The following VAV1 variants were observed in gnomAD, a reference collection of about 807,000 sequenced individuals.
VAV1 encodes proto-oncogene vav.
In VAV1, 33 loss-of-function variants were observed where a neutral mutation model predicts 128.1. The observed-to-expected ratio is 0.26, with a 90% CI of 0.20 to 0.34. The LOEUF (loss-of-function observed/expected upper bound fraction) is 0.34, where lower values mean the gene tolerates loss of function less well. VAV1 is among the 10% of genes least tolerant of loss of function. The pLI is 1.00. For synonymous variants in VAV1, 394 were observed against 409.8 expected, an observed-to-expected ratio of 0.96 and a Z score of 0.47; for missense variants, 715 against 1,093.7, an observed-to-expected ratio of 0.65 and a Z score of 4.88.
Position 6,805,354 on chromosome 19 carries a change from G to A in VAV1, c.205-15348G>A, listed in dbSNP as rs146676980. 1.7e-3 allele frequency among the ~76,000 whole-genome samples: 256 copies of A among 152,124 alleles called. 3 individuals are homozygous for A. The highest frequency in any genetic ancestry group is 6.0e-3 in the African/African-American group (247 of 41,512). ...GCAGGAGCATCGCTTGAACCCGGGA[G>A]GTGGAGGTTGCAGCGAGTTGAGATC... On this transcript the variant is annotated intron_variant, in intron 1 of 26. Transcript: ENST00000602142.
chr19:6,837,062 A>C lies in VAV1; in HGVS notation c.1980+12A>C. 6.2e-7 allele frequency: 1 copy of C among 1,613,816 alleles called. No homozygotes were observed. Among genetic ancestry groups the C allele is most frequent in the South Asian group, 1.1e-5 (1 of 91,072 alleles). ...AGCCCTATGTCCATGTGAGTGCCTC[A>C]AGTCTGAATGGAATAAGGGCAAGGG... On this transcript the variant is annotated intron_variant, in intron 21 of 26. Transcript: ENST00000602142.
chr19:6,849,300 T>C (rs2144825675), intron 23 of VAV1, among the ~76,000 whole-genome samples: 1 of 143,148 alleles, frequency 7.0e-6, no homozygotes, highest in Non-Finnish European at 1.5e-5. Flanking sequence ...TTTTTTTTTT[T>C]TTTTTTGAGA....
intron 1 of VAV1, among the ~76,000 whole-genome samples, chr19:6,819,094 G>A (rs781099209): frequency 4.0e-5 from 6 of 151,878 alleles, no homozygotes; most frequent in South Asian, 2.1e-4. Context: ...CCAGCCTGGC[G>A]GACAAAGTGA....
intron 23 of VAV1, 122 bp downstream of exon 23, chr19:6,848,236 C>A: frequency 1.2e-6 from 1 of 822,432 alleles, no homozygotes. Context: ...TTTACTGAGC[C>A]CCTGCTGGTT....
chr19:6,843,474 T>TTTTTG (rs960040412), intron 22 of VAV1, among the ~76,000 whole-genome samples: 10 of 152,112 alleles, frequency 6.6e-5, no homozygotes, highest in Non-Finnish European at 1.5e-4. Context: ...TTTGTAGGAT[T>TTTTTG]TTTTGTTTTG....
chr19:6,845,289 G>A (rs2144817518), intron 22 of VAV1, among the ~76,000 whole-genome samples: 1 of 152,294 alleles, frequency 6.6e-6, no homozygotes, highest in Middle Eastern at 3.4e-3. Context: ...GGAGGCTGAG[G>A]CAGGGGAATC....
intron 21 of VAV1, among the ~76,000 whole-genome samples, chr19:6,839,544 A>C (rs1972319005): frequency 6.6e-6 from 1 of 152,168 alleles, no homozygotes; most frequent in Non-Finnish European, 1.5e-5. Flanking sequence ...CTGGGATTAC[A>C]GGCGTGAGCC....
At chr19:6,786,455 G>A (rs189173321) in intron 1 of VAV1, among the ~76,000 whole-genome samples, 35 of 151,950 alleles carry the variant, frequency 2.3e-4, no homozygotes, top group South Asian at 1.3e-3. Flanking sequence ...CAGCAAGCCC[G>A]TCCCTGTAAA....
chr19:6,774,921 A>ATTTTTTTTTTT (rs61404391), intron 1 of VAV1, among the ~76,000 whole-genome samples: 2 of 137,354 alleles, frequency 1.5e-5, no homozygotes, highest in Non-Finnish European at 3.1e-5. Flanking sequence ...TGCCTGCCTA[A>ATTTTTTTTTTT]TTTTTTTTTT....
chr19:6,827,661 T>C (rs1971951139), intron 9 of VAV1, among the ~76,000 whole-genome samples: 1 of 152,112 alleles, frequency 6.6e-6, no homozygotes, highest in South Asian at 2.1e-4. Context: ...TGAAGTGGTG[T>C]GATCTCAGCT....
In VAV1 at chr19:6,805,136, G is replaced by A. The variant is rs930838315; in HGVS notation, c.205-15566G>A. Among the ~76,000 whole-genome samples, 11 of 151,860 alleles carry A rather than the reference G, an allele frequency of 7.2e-5. 1 individual carries two copies. The highest frequency in any genetic ancestry group is 2.7e-4 in the African/African-American group (11 of 41,372). ...GATCAGGTAATTGCCATGAAAAGCG[G>A]TGGTAAGGCCGGGCGCAGCGGTTCA... is the stretch of plus-strand genomic sequence containing the variant. On this transcript the variant is annotated intron_variant, in intron 1 of 26. Coordinates refer to ENST00000602142, the MANE Select transcript of VAV1 (RefSeq NM_005428.4).
At position 6,822,164 on chromosome 19, in the gene VAV1, G is replaced by A. The variant is rs1971806338; in HGVS notation, c.450-57G>A. On this transcript the variant is annotated intron_variant, in intron 4 of 26. Coordinates refer to ENST00000602142, the MANE Select transcript of VAV1 (RefSeq NM_005428.4). The surrounding 1 kb of genome is among the most constrained non-coding windows in gnomAD (Gnocchi z 5.9). The stretch of plus-strand genomic sequence containing the variant: ...ACAAAGCCCTGCGCTGGGGTCTGCG[G>A]GGACCCTGCTGTGATCTGGGAGAGG... The A allele has an allele frequency of 6.6e-7, 1 of 1,506,890 alleles. No homozygotes were observed. The highest frequency in any genetic ancestry group is 2.0e-5 in the Admixed American group (1 of 50,908). 93.3% of individuals were successfully genotyped at this position (1,506,890 alleles called of 1,614,324 possible). A position where few individuals can be genotyped will look rare whatever the true frequency, so the allele number is the denominator to read the frequency against.
chr19:6,811,902 C>T (rs1191270492), intron 1 of VAV1, among the ~76,000 whole-genome samples: 8 of 152,152 alleles, frequency 5.3e-5, no homozygotes, highest in Non-Finnish European at 8.8e-5. Context: ...GGCTTTTCCC[C>T]GCAGATAATT....
chr19:6,833,131 A>G, intron 15 of VAV1, 53 bp from the exon 16 acceptor site: 3 of 1,479,872 alleles, frequency 2.0e-6, no homozygotes, highest in Non-Finnish European at 2.8e-6. Flanking sequence ...AGCCATAAAA[A>G]GGAATAAAAT....
chr19:6,814,671 CCTTTCTTTCTTTCTTTCTTTCTTTCTTT>C (rs71177121), intron 1 of VAV1, among the ~76,000 whole-genome samples: 1 of 25,796 alleles, frequency 3.9e-5, no homozygotes, highest in African/African-American at 1.6e-4. Flanking sequence ...TTCCTTCCTT[CCTTTCTTTCTTTCTTTCTTTCTTTCTTT>C]CTTTCTTTCT....
At chr19:6,773,156 G>T (rs1036445591) in intron 1 of VAV1, 145 bp downstream of exon 1, 2 of 1,130,700 alleles carry the variant, frequency 1.8e-6, no homozygotes, top group African/African-American at 3.1e-5. Context: ...GGCCCAGGGG[G>T]TGGTCACAAT....
chr19:6,845,406 A>C (rs1282534857), intron 22 of VAV1, among the ~76,000 whole-genome samples: 1 of 152,082 alleles, frequency 6.6e-6, no homozygotes, highest in Non-Finnish European at 1.5e-5. Flanking sequence ...AAACAAACAA[A>C]TAAATAAATA....
At chr19:6,776,405 TATCCATCCATCCATCC>T (rs59104898) in intron 1 of VAV1, among the ~76,000 whole-genome samples, 1 of 87,642 alleles carries the variant, frequency 1.1e-5, no homozygotes, top group Non-Finnish European at 2.3e-5. Context: ...CCCACCCATC[TATCCATCCATCCATCC>T]ATCCATCCAT....
chr19:6,841,584 C>T (rs1370042960), intron 21 of VAV1, among the ~76,000 whole-genome samples: 1 of 151,372 alleles, frequency 6.6e-6, no homozygotes, highest in East Asian at 1.9e-4. Context: ...AAGCAATTCT[C>T]CTGCCTCAGC....
Sources: allele counts gnomAD v4.1 joint callset (sites outside exome capture counted in the v4.1 genomes callset), GRCh38; gene constraint gnomAD v4.1.1; non-coding constraint Gnocchi (gnomAD v3.1); transcripts MANE v1.5; gene names NCBI Gene and HGNC (gene_info 2026-07-23, HGNC 2026-07-21).